Variants in CFTR observed in about 807,000 individuals in gnomAD.
The protein encoded by CFTR is cystic fibrosis transmembrane conductance regulator.
CFTR carries 181 observed loss-of-function variants against 171.6 expected under a neutral mutation model. That is an observed-to-expected ratio of 1.05 (90% CI 0.93 to 1.19). The LOEUF (loss-of-function observed/expected upper bound fraction) is 1.19, where lower values mean the gene tolerates loss of function less well. CFTR is among the 50% of genes most tolerant of loss of function. CFTR has a pLI of 0.00. For synonymous variants in CFTR, 583 were observed against 608.0 expected (o/e 0.96, Z 0.60); for missense variants, 1,968 against 1,734.7 (o/e 1.13, Z -2.39).
chr7:117,520,733 A>G (rs1051214727), intron 3 of CFTR, among the ~76,000 whole-genome samples: 12 of 151,968 alleles, frequency 7.9e-5, no homozygotes, highest in African/African-American at 2.9e-4. Context: ...AATGTTTTTG[A>G]TGAGTTTTCT....
At chr7:117,534,532 A>G (rs946773183) in intron 5 of CFTR, among the ~76,000 whole-genome samples, 167 bp downstream of exon 5, 6 of 152,206 alleles carry the variant, frequency 3.9e-5, no homozygotes, top group African/African-American at 1.4e-4. Flanking sequence ...GCAGAGCACC[A>G]TTCTGGGGTC....
chr7:117,657,258 T>A (rs573984179), intron 24 of CFTR, among the ~76,000 whole-genome samples: 2 of 152,268 alleles, frequency 1.3e-5, no homozygotes, highest in South Asian at 4.1e-4. Context: ...CAATGCAAAA[T>A]TTTTACCTGT....
intron 22 of CFTR, among the ~76,000 whole-genome samples, chr7:117,638,736 CATAA>C (rs201930686): frequency 0.021 from 3,044 of 145,086 alleles, 71 homozygotes; most frequent in African/African-American, 0.054. Context: ...AACTCCATCT[CATAA>C]ATAAATAAAT....
chr7:117,610,912 T>C (rs980279960), intron 19 of CFTR, among the ~76,000 whole-genome samples: 6 of 152,206 alleles, frequency 3.9e-5, no homozygotes, highest in Admixed American at 6.5e-5. Flanking sequence ...TATAGAATCT[T>C]ACCACAGTTG....
chr7:117,610,454 C>T, intron 18 of CFTR, 65 bp from the exon 19 acceptor site: 3 of 1,321,610 alleles, frequency 2.3e-6, no homozygotes, highest in Non-Finnish European at 3.2e-6. Context: ...AAATCACTGA[C>T]ACACTTTGTC....
intron 20 of CFTR, among the ~76,000 whole-genome samples, chr7:117,613,533 A>G (rs187597202): frequency 1.1e-3 from 172 of 152,262 alleles, no homozygotes; most frequent in African/African-American, 4.0e-3. Flanking sequence ...AATTTGTCCA[A>G]AACACTTAGT....
intron 21 of CFTR, chr7:117,616,439 C>A (rs970306502): frequency 6.6e-5 from 10 of 152,136 alleles, no homozygotes; most frequent in Non-Finnish European, 1.5e-4. Context: ...CATTTAAGCT[C>A]CTCATGCACT....
intron 11 of CFTR, among the ~76,000 whole-genome samples, chr7:117,580,156 AAG>A (rs1791828905): frequency 6.6e-6 from 1 of 152,080 alleles, no homozygotes; most frequent in African/African-American, 2.4e-5. Context: ...GCAAAAGAAA[AAG>A]AGAAAAGAAA....
In CFTR at chr7:117,534,323, A is replaced by G. The variant is rs991635265; in HGVS notation, c.537A>G (p.Gln179=). 4.4e-6 allele frequency: 7 copies of G among 1,606,272 alleles called. No individual in the cohort carries two copies. In the African/African-American group the frequency reaches 9.4e-5, roughly 21 times the overall value. The change falls in exon 5 of 27, where the codon CAA becomes CAG. Residue 179 remains glutamine (Q), a synonymous_variant. Transcript: ENST00000003084. ...SRVLDKISIG[Q]LVSLLSNNLN... is the part of the protein sequence containing the mutation. ...TTCTAGATAAAATAAGTATTGGACA[A>G]CTTGTTAGTCTCCTTTCCAACAACC... is the stretch of plus-strand genomic sequence containing the variant.
intron 17 of CFTR, among the ~76,000 whole-genome samples, chr7:117,606,465 G>T (rs1310253564): frequency 6.6e-6 from 1 of 152,112 alleles, no homozygotes; most frequent in African/African-American, 2.4e-5. Context: ...TTTTAAAAAG[G>T]TTTAAAAGTA....
chr7:117,535,840 A>T (rs545791794), intron 6 of CFTR, among the ~76,000 whole-genome samples: 2 of 152,268 alleles, frequency 1.3e-5, no homozygotes, highest in Middle Eastern at 3.4e-3. Context: ...GGCCTAAAAA[A>T]TACTTTTTAA....
chr7:117,497,488 T>A (rs938665017), intron 1 of CFTR, among the ~76,000 whole-genome samples: 1 of 152,196 alleles, frequency 6.6e-6, no homozygotes, highest in African/African-American at 2.4e-5. Context: ...GTAGTTATTA[T>A]CTCCAGCAGG....
chr7:117,564,812 G>A (rs1791575174), intron 11 of CFTR: 1 of 164,286 alleles, frequency 6.1e-6, no homozygotes, highest in Admixed American at 6.5e-5. Flanking sequence ...GTCTGGATAG[G>A]AGAAAGCATG....
At chr7:117,580,526 G>C (rs1397815332) in intron 11 of CFTR, among the ~76,000 whole-genome samples, 9 of 151,894 alleles carry the variant, frequency 5.9e-5, no homozygotes, top group Non-Finnish European at 1.3e-4. Flanking sequence ...CATTCATGAG[G>C]GTATGTCTTA....
rs35860379 is a variant in CFTR, at chr7:117,506,511, G to T, written c.164+2148G>T. Among the ~76,000 whole-genome samples, 26 of 152,290 alleles carry T rather than the reference G, an allele frequency of 1.7e-4. 1 individual carries two copies. In the East Asian group the frequency reaches 4.8e-3, roughly 28 times the overall value. On this transcript the variant is annotated intron_variant, in intron 2 of 26. Transcript: ENST00000003084. Reference sequence around the variant, plus strand: ...TCTGCCCACCTTGGCCTCCCAAAATGCTGGGATTATAGGTGTGAGCCACTA... The same window carrying T: ...TCTGCCCACCTTGGCCTCCCAAAATTCTGGGATTATAGGTGTGAGCCACTA...
At chr7:117,657,749 A>G (rs1793206473) in intron 24 of CFTR, among the ~76,000 whole-genome samples, 1 of 152,216 alleles carries the variant, frequency 6.6e-6, no homozygotes, top group South Asian at 2.1e-4. Context: ...CAGAGTAATG[A>G]CAAATAGCCA....
intron 1 of CFTR, among the ~76,000 whole-genome samples, chr7:117,485,556 A>C (rs1178975040): frequency 6.6e-6 from 1 of 152,204 alleles, no homozygotes; most frequent in Non-Finnish European, 1.5e-5. Context: ...AGCATTACAG[A>C]GTGGCTTTAC....
At chr7:117,619,317 T>C (rs1176525270) in intron 21 of CFTR, among the ~76,000 whole-genome samples, 21 of 152,152 alleles carry the variant, frequency 1.4e-4, no homozygotes, top group Admixed American at 1.4e-3. Flanking sequence ...AAAATAAAGA[T>C]TAAATAAATA....
At chr7:117,590,599 T>C (rs1792011306) in intron 13 of CFTR, among the ~76,000 whole-genome samples, 160 bp downstream of exon 13, 1 of 152,060 alleles carries the variant, frequency 6.6e-6, no homozygotes, top group Non-Finnish European at 1.5e-5. Context: ...TCTGCCCTAC[T>C]GGGCCAGGAT....
Sources: gnomAD v4.1 joint callset for allele counts (sites outside exome capture counted in the v4.1 genomes callset) on GRCh38, gnomAD v4.1.1 for gene constraint, MANE v1.5 for transcripts, NCBI Gene and HGNC (gene_info 2026-07-23, HGNC 2026-07-21) for gene names.